GSG1L: variants seen among roughly 807,000 people sequenced by gnomAD.
GSG1L encodes the protein GSG1 like.
GSG1L carries 24 observed loss-of-function variants against 42.1 expected under a neutral mutation model. The ratio of observed to expected loss-of-function variants is 0.57; its 90% CI spans 0.41 to 0.80. GSG1L has a LOEUF of 0.80. Among genes scored for constraint, GSG1L ranks in the 30% least tolerant of loss-of-function variants. GSG1L has a pLI of 0.00. For synonymous variants in GSG1L, 215 were observed against 203.5 expected (o/e 1.06, Z -0.48); for missense variants, 445 against 472.2 (o/e 0.94, Z 0.53).
At position 27,798,033 on chromosome 16, in the gene GSG1L, A is replaced by G. The variant is rs112566192; in HGVS notation, c.899-6566T>C. 5.6e-3 allele frequency among the ~76,000 whole-genome samples: 858 copies of G among 152,118 alleles called. 4 individuals carry two copies. Among genetic ancestry groups the G allele is most frequent in the African/African-American group, 0.015 (641 of 41,510 alleles). On this transcript the variant is annotated intron_variant, in intron 6 of 6. Transcript: ENST00000447459. The stretch of plus-strand genomic sequence containing the variant: ...CAGAAACTGGGTGCTCCACAGGGGG[A>G]GGATGGGAGTGGGGTAAGGGTTGAA...
chr16:27,831,866 CA>C (rs1429872384), intron 4 of GSG1L, among the ~76,000 whole-genome samples: 1 of 152,178 alleles, frequency 6.6e-6, no homozygotes, highest in Non-Finnish European at 1.5e-5. Context: ...TTCCACTCCT[CA>C]AAAAACTCAA....
intron 5 of GSG1L, 69 bp downstream of exon 5, chr16:27,828,720 G>T (rs56050046): frequency 0.012 from 16,928 of 1,463,618 alleles, 123 homozygotes; most frequent in Non-Finnish European, 0.014. Flanking sequence ...GGGGCCCGGT[G>T]GCCACTGAGG....
At chr16:27,918,668 A>G (rs201452288) in intron 2 of GSG1L, among the ~76,000 whole-genome samples, 5 of 23,254 alleles carry the variant, frequency 2.2e-4, no homozygotes, top group South Asian at 1.4e-3. Flanking sequence ...CAAAAAAAAG[A>G]AAAAAAAAAA....
chr16:27,891,085 G>A (rs1444154027), intron 2 of GSG1L, among the ~76,000 whole-genome samples: 2 of 152,124 alleles, frequency 1.3e-5, no homozygotes, highest in African/African-American at 2.4e-5. Flanking sequence ...GCCGGGGGAC[G>A]TACACCAACC....
intron 6 of GSG1L, among the ~76,000 whole-genome samples, chr16:27,804,527 C>G (rs2082934315): frequency 6.6e-6 from 1 of 151,506 alleles, no homozygotes; most frequent in African/African-American, 2.4e-5. Flanking sequence ...CTGTGAGTCC[C>G]TGAGGCAGGG....
chr16:28,004,649 G>A (rs900422672), intron 1 of GSG1L, among the ~76,000 whole-genome samples: 22 of 152,074 alleles, frequency 1.4e-4, no homozygotes, highest in East Asian at 9.7e-4. Flanking sequence ...AAAGTGGTGC[G>A]TGCCTGTAAT....
intron 2 of GSG1L, among the ~76,000 whole-genome samples, chr16:27,932,654 G>A (rs2084669536): frequency 6.6e-6 from 1 of 152,048 alleles, no homozygotes; most frequent in African/African-American, 2.4e-5. Flanking sequence ...TTCAGCATTG[G>A]GGATTATAGA....
chr16:28,048,744 G>A (rs1477706068), intron 1 of GSG1L, among the ~76,000 whole-genome samples: 2 of 152,128 alleles, frequency 1.3e-5, no homozygotes, highest in South Asian at 4.1e-4. Context: ...GTGCTCAGAG[G>A]CAAACTCATA....
At chr16:27,994,391 C>T in intron 1 of GSG1L, among the ~76,000 whole-genome samples, 1 of 152,206 alleles carries the variant, frequency 6.6e-6, no homozygotes, top group Non-Finnish European at 1.5e-5. Context: ...TCCAACCCTT[C>T]AGATGACTTC....
chr16:27,821,507 C>A (rs552501602), intron 5 of GSG1L, among the ~76,000 whole-genome samples: 36 of 152,194 alleles, frequency 2.4e-4, no homozygotes, highest in Non-Finnish European at 4.1e-4. Flanking sequence ...GTGATTAGCT[C>A]CCACTTATAA....
Position 27,963,318 on chromosome 16 carries a change from G to T in GSG1L, c.350-115C>A, listed in dbSNP as rs1596657192. The T allele has an allele frequency of 5.8e-6, 5 of 868,038 alleles. No homozygotes were observed. In the Admixed American group the frequency reaches 6.1e-5, roughly 11 times the overall value. 53.8% of individuals were successfully genotyped at this position (868,038 alleles called of 1,614,324 possible). A position where few individuals can be genotyped will look rare whatever the true frequency, so the allele number is the denominator to read the frequency against. The stretch of plus-strand genomic sequence containing the variant: ...AGCCAGTGTCTCTGACCCAAGCCCA[G>T]TGACATCTTTCTCCAACCCTGGTTC... On this transcript the variant is annotated intron_variant, in intron 1 of 6. Coordinates refer to ENST00000447459, the MANE Select transcript of GSG1L (RefSeq NM_001109763.2).
intron 4 of GSG1L, among the ~76,000 whole-genome samples, chr16:27,832,069 T>C (rs2083280460): frequency 6.6e-6 from 1 of 152,224 alleles, no homozygotes; most frequent in Non-Finnish European, 1.5e-5. Flanking sequence ...CTGTATCACA[T>C]GCCCCTGTTT....
Position 27,884,705 on chromosome 16 carries a change from T to A in GSG1L, c.398-67A>T. The A allele has an allele frequency of 6.9e-7, 1 of 1,459,050 alleles. No homozygotes were observed. Among genetic ancestry groups the A allele is most frequent in the African/African-American group, 1.4e-5 (1 of 70,962 alleles). The allele number at this position is 1,459,050 out of a possible 1,614,324, so 90.4% of individuals were successfully genotyped here. ...CCAAGATAGACTCACCCTGTGCCTA[T>A]TCCTCCCACAACAGCAGAGGGTAGC... On this transcript the variant is annotated intron_variant, in intron 2 of 6. Transcript: ENST00000447459. The surrounding 1 kb of genome is among the most constrained non-coding windows in gnomAD (Gnocchi z 4.4).
In GSG1L at chr16:27,942,070, C is replaced by G. The variant is rs560162392; in HGVS notation, c.397+21086G>C. On this transcript the variant is annotated intron_variant, in intron 2 of 6. Transcript: ENST00000447459. ...TGTGGATGTATTTAATGCCACTGAA[C>G]TGTACACTTAAAAATGGTTAAAATG... Among the ~76,000 whole-genome samples, 40 of 151,256 alleles carry G rather than the reference C, an allele frequency of 2.6e-4. 1 individual carries two copies. The highest frequency in any genetic ancestry group is 9.7e-4 in the African/African-American group (40 of 41,194).
chr16:28,003,816 T>C (rs555809697), intron 1 of GSG1L, among the ~76,000 whole-genome samples: 1 of 151,882 alleles, frequency 6.6e-6, no homozygotes, highest in Non-Finnish European at 1.5e-5. Flanking sequence ...CCTTAGGGAG[T>C]TGGGAGTTTC....
Position 28,007,545 on chromosome 16 carries a change from C to T in GSG1L, c.350-44342G>A, listed in dbSNP as rs559513248. On this transcript the variant is annotated intron_variant, in intron 1 of 6. Coordinates refer to ENST00000447459, the MANE Select transcript of GSG1L (RefSeq NM_001109763.2). ...TGGTTGGTTTTGAGACAGGATCTTGCTCTGTCACCCAGGCTGGAGTGCAGC... is the reference window on the plus strand; with the variant it reads ...TGGTTGGTTTTGAGACAGGATCTTGTTCTGTCACCCAGGCTGGAGTGCAGC... Among the ~76,000 whole-genome samples the T allele has an allele frequency of 2.6e-5, 4 of 152,186 alleles. No individual in the cohort carries two copies. The East Asian group carries it at 5.8e-4, about 22-fold the overall frequency.
chr16:27,918,297 C>CAG (rs777212045), intron 2 of GSG1L, among the ~76,000 whole-genome samples: 1 of 152,096 alleles, frequency 6.6e-6, no homozygotes, highest in Non-Finnish European at 1.5e-5. Flanking sequence ...AAACAACAAC[C>CAG]AGAGTATGGT....
At chr16:27,857,633 G>A (rs1036919360) in intron 3 of GSG1L, among the ~76,000 whole-genome samples, 5 of 152,016 alleles carry the variant, frequency 3.3e-5, no homozygotes, top group South Asian at 2.1e-4. Context: ...GCAGCACCCC[G>A]GGGAAGCCTA....
intron 6 of GSG1L, among the ~76,000 whole-genome samples, chr16:27,801,602 AT>A (rs2082882990): frequency 6.6e-6 from 1 of 152,206 alleles, no homozygotes; most frequent in Non-Finnish European, 1.5e-5. Context: ...CTGAGACGGC[AT>A]CATTTCCATA....
Sources: allele counts gnomAD v4.1 joint callset (sites outside exome capture counted in the v4.1 genomes callset), GRCh38; gene constraint gnomAD v4.1.1; non-coding constraint Gnocchi (gnomAD v3.1); transcripts MANE v1.5; gene names NCBI Gene and HGNC (gene_info 2026-07-23, HGNC 2026-07-21).